ST8SIA5: variants seen among roughly 807,000 people sequenced by gnomAD.
The protein encoded by ST8SIA5 is ST8 alpha-N-acetyl-neuraminide alpha-2,8-sialyltransferase 5.
ST8SIA5 carries 24 observed loss-of-function variants against 40.2 expected under a neutral mutation model. The ratio of observed to expected loss-of-function variants is 0.60; its 90% CI spans 0.43 to 0.84. The LOEUF (loss-of-function observed/expected upper bound fraction) is 0.84. ST8SIA5 is among the 40% of genes least tolerant of loss of function. The pLI, the probability that ST8SIA5 is intolerant of heterozygous loss-of-function variation, is 0.00. For missense variants in ST8SIA5, 465 were observed against 498.5 expected, an observed-to-expected ratio of 0.93 and a Z score of 0.64; for synonymous variants, 198 against 201.8, an observed-to-expected ratio of 0.98 and a Z score of 0.16.
At chr18:46,756,347 C>T in intron 1 of ST8SIA5, 31 bp downstream of exon 1, 1 of 1,604,640 alleles carries the variant, frequency 6.2e-7, no homozygotes, top group Non-Finnish European at 8.5e-7. Flanking sequence ...GCCGGCTCCG[C>T]GCATCCCGCC....
chr18:46,730,293 C>G, intron 1 of ST8SIA5: 1 of 975,264 alleles, frequency 1.0e-6, no homozygotes, highest in Non-Finnish European at 1.2e-6. Context: ...AGCATTGAAC[C>G]TCTTGAAGTC....
chr18:46,699,378 C>G (rs1568257283), intron 2 of ST8SIA5, among the ~76,000 whole-genome samples: 1 of 150,972 alleles, frequency 6.6e-6, no homozygotes, highest in Non-Finnish European at 1.5e-5. Flanking sequence ...CTTTCTCCCT[C>G]TTTTTTTTTC....
chr18:46,708,519 C>G (rs2039691029), intron 1 of ST8SIA5, among the ~76,000 whole-genome samples: 1 of 152,162 alleles, frequency 6.6e-6, no homozygotes, highest in African/African-American at 2.4e-5. Flanking sequence ...TGTGAGTGCA[C>G]CTTTCATTTG....
intron 2 of ST8SIA5, among the ~76,000 whole-genome samples, chr18:46,696,609 G>C (rs950667702): frequency 1.3e-5 from 2 of 152,212 alleles, no homozygotes; most frequent in African/African-American, 4.8e-5. Flanking sequence ...TCTGTAAGTT[G>C]GATATAACGG....
At chr18:46,742,174 G>A (rs2040093248) in intron 1 of ST8SIA5, among the ~76,000 whole-genome samples, 1 of 151,902 alleles carries the variant, frequency 6.6e-6, no homozygotes, top group Non-Finnish European at 1.5e-5. Context: ...CTACAAATGT[G>A]TGGAACTTTA....
intron 2 of ST8SIA5, among the ~76,000 whole-genome samples, chr18:46,694,986 C>A (rs1050223510): frequency 6.6e-6 from 1 of 152,018 alleles, no homozygotes; most frequent in Non-Finnish European, 1.5e-5. Flanking sequence ...TAGTGAAACC[C>A]TGTCTCCACT....
In ST8SIA5 at chr18:46,686,111, G is replaced by A. The variant is rs550961663; in HGVS notation, c.569+63C>T. On this transcript the variant is annotated intron_variant, in intron 5 of 6. Transcript: ENST00000315087. ...TTAAAGGGTAGCATTAGGGAACCGG[G>A]GGAAGAATATGGAGGAGAGGGCCAT... The A allele has an allele frequency of 5.3e-6, 8 of 1,515,786 alleles. No homozygotes were observed. The African/African-American group carries it at 1.1e-4, about 21-fold the overall frequency. The allele number at this position is 1,515,786 out of a possible 1,614,324, so 93.9% of individuals were successfully genotyped here.
intron 1 of ST8SIA5, among the ~76,000 whole-genome samples, chr18:46,712,874 T>C (rs781061481): frequency 6.6e-6 from 1 of 151,990 alleles, no homozygotes; most frequent in Non-Finnish European, 1.5e-5. Flanking sequence ...GGAAGGATAG[T>C]GGGTGGCCTA....
chr18:46,700,964 G>GT (rs948493137), intron 2 of ST8SIA5, among the ~76,000 whole-genome samples: 35 of 152,202 alleles, frequency 2.3e-4, no homozygotes, highest in African/African-American at 8.2e-4. Flanking sequence ...ACTGAACAGT[G>GT]TTTGTGTTTT....
intron 1 of ST8SIA5, among the ~76,000 whole-genome samples, chr18:46,723,745 G>A (rs1285979423): frequency 6.6e-6 from 1 of 151,938 alleles, no homozygotes; most frequent in Non-Finnish European, 1.5e-5. Flanking sequence ...GGCCAGCATG[G>A]TGAAACCCTG....
intron 4 of ST8SIA5, 114 bp downstream of exon 4, chr18:46,688,661 T>G: frequency 1.5e-6 from 2 of 1,353,910 alleles, no homozygotes; most frequent in Non-Finnish European, 2.0e-6. Flanking sequence ...CCAAGACAAC[T>G]GAGTCCAGAG....
intron 1 of ST8SIA5, among the ~76,000 whole-genome samples, chr18:46,734,256 A>C (rs2040012861): frequency 6.6e-6 from 1 of 152,092 alleles, no homozygotes; most frequent in Non-Finnish European, 1.5e-5. Flanking sequence ...CAATTCCCTC[A>C]TCAGAAAAAG....
chr18:46,702,327 C>T (rs902715150), intron 2 of ST8SIA5, among the ~76,000 whole-genome samples: 1 of 152,146 alleles, frequency 6.6e-6, no homozygotes, highest in Non-Finnish European at 1.5e-5. Context: ...ATTTTTGCCA[C>T]TAAATCAAAA....
chr18:46,736,178 G>A (rs902779566), intron 1 of ST8SIA5, among the ~76,000 whole-genome samples: 2 of 152,060 alleles, frequency 1.3e-5, no homozygotes, highest in South Asian at 2.1e-4. Context: ...TTATGTCTTC[G>A]AAATCCAACG....
chr18:46,687,031 G>A (rs1219225543), intron 4 of ST8SIA5, among the ~76,000 whole-genome samples: 1 of 152,112 alleles, frequency 6.6e-6, no homozygotes, highest in Non-Finnish European at 1.5e-5. Flanking sequence ...TTACATTTAG[G>A]GAAGTTCAGG....
intron 2 of ST8SIA5, among the ~76,000 whole-genome samples, chr18:46,697,045 A>G (rs1353250751): frequency 1.3e-5 from 2 of 150,866 alleles, no homozygotes; most frequent in African/African-American, 2.4e-5. Flanking sequence ...CCCCTACCCC[A>G]CCAAAAACCA....
chr18:46,704,660 A>G lies in ST8SIA5; in HGVS notation c.136T>C (p.Phe46Leu). 1 of 1,614,092 alleles carries G rather than the reference A, an allele frequency of 6.2e-7. No individual in the cohort carries two copies. Among genetic ancestry groups the G allele is most frequent in the Non-Finnish European group, 8.5e-7 (1 of 1,179,934 alleles). Residue 46 changes from phenylalanine to leucine, a missense_variant, in exon 2 of 7, where the codon TTT (phenylalanine) becomes CTT (leucine). Physicochemically the swap from Phe to Leu is conservative, Grantham distance 22. Transcript: ENST00000315087. ...TCAAAAGGCCCCTCATAAAATTCAA[A>G]GTACCTGGGGACCAACAGAGACAGG... ...LYGRNYIKRY[F>L]EFYEGPFEYN...
Position 46,717,070 on chromosome 18 carries a change from C to T in ST8SIA5, c.132-12406G>A, listed in dbSNP as rs144935949. On this transcript the variant is annotated intron_variant, in intron 1 of 6. Coordinates refer to ENST00000315087, the MANE Select transcript of ST8SIA5 (RefSeq NM_013305.6). ...CTGTGACTGAAGTGGGGGATGTTTT[C>T]CTGAGGCAATGCATGCAACACTGCC... Among the ~76,000 whole-genome samples, 397 of 152,316 alleles carry T rather than the reference C, an allele frequency of 2.6e-3. 3 individuals carry two copies. Among genetic ancestry groups the T allele is most frequent in the Middle Eastern group, 0.014 (4 of 294 alleles).
Position 46,681,982 on chromosome 18 carries a change from T to C in ST8SIA5, c.652A>G (p.Ile218Val). 1 of 1,614,086 alleles carries C rather than the reference T, an allele frequency of 6.2e-7. No homozygotes were observed. The highest frequency in any genetic ancestry group is 8.5e-7 in the Non-Finnish European group (1 of 1,180,008). ...TDVVTVNPSI[I>V]TERFHKLEKW... is the part of the protein sequence containing the mutation. ...AAGAGGGCCACTGACCTCTCTGTGA[T>C]GATGCTGGGGTTCACAGTGACCACA... Residue 218 changes from isoleucine (I) to valine (V), a missense_variant, in exon 6 of 7, where the codon ATC (isoleucine) becomes GTC (valine). Transcript: ENST00000315087.
Sources: allele counts gnomAD v4.1 joint callset (sites outside exome capture counted in the v4.1 genomes callset), GRCh38; gene constraint gnomAD v4.1.1; transcripts MANE v1.5; gene names NCBI Gene and HGNC (gene_info 2026-07-23, HGNC 2026-07-21).